ADGRV1: variants seen among roughly 807,000 people sequenced by gnomAD.
ADGRV1 encodes the protein adhesion G protein-coupled receptor V1.
In ADGRV1, 359 loss-of-function variants were observed where a neutral mutation model predicts 596.2. The ratio of observed to expected loss-of-function variants is 0.60; its 90% confidence interval spans 0.55 to 0.66. The LOEUF is 0.66. ADGRV1 is among the 30% of genes least tolerant of loss of function. The pLI, the probability that ADGRV1 is intolerant of heterozygous loss-of-function variation, is 0.00. For missense variants in ADGRV1, 7,274 were observed against 7,575.6 expected, an observed-to-expected ratio of 0.96 and a Z score of 1.48; for synonymous variants, 2,681 against 2,679.2, an observed-to-expected ratio of 1.00 and a Z score of -0.02.
intron 85 of ADGRV1, among the ~76,000 whole-genome samples, chr5:91,036,670 C>T (rs1455293958): frequency 6.6e-6 from 1 of 151,908 alleles, no homozygotes; most frequent in Non-Finnish European, 1.5e-5. Flanking sequence ...CTGAAGTGAC[C>T]TATGATTGTT....
At chr5:90,819,807 AC>A (rs1398263364) in intron 75 of ADGRV1, among the ~76,000 whole-genome samples, 1 of 152,064 alleles carries the variant, frequency 6.6e-6, no homozygotes, top group African/African-American at 2.4e-5. Flanking sequence ...CTGTTCTTTT[AC>A]ATTTGCTGAG....
chr5:90,767,564 C>A (rs537548254), intron 59 of ADGRV1, among the ~76,000 whole-genome samples: 1 of 152,130 alleles, frequency 6.6e-6, no homozygotes, highest in South Asian at 2.1e-4. Context: ...AAAGTCTAAA[C>A]CTATGCACTT....
intron 82 of ADGRV1, among the ~76,000 whole-genome samples, chr5:90,861,315 G>T (rs201967905): frequency 0.011 from 1,584 of 143,440 alleles, 31 homozygotes; most frequent in African/African-American, 0.039. Context: ...TTTTTTTTTT[G>T]TTTTTGTTTT....
intron 6 of ADGRV1, among the ~76,000 whole-genome samples, chr5:90,626,952 G>C (rs1450626520): frequency 6.6e-6 from 1 of 152,128 alleles, no homozygotes; most frequent in African/African-American, 2.4e-5. Context: ...ACCAGTTAAG[G>C]CTGAAAGACA....
chr5:90,775,168 CT>C (rs1047081799), intron 60 of ADGRV1, among the ~76,000 whole-genome samples: 1 of 152,080 alleles, frequency 6.6e-6, no homozygotes, highest in African/African-American at 2.4e-5. Flanking sequence ...TAATACATTT[CT>C]TTTTTGCCAT....
chr5:90,879,417 G>A (rs1480766571), intron 83 of ADGRV1, among the ~76,000 whole-genome samples: 2 of 152,066 alleles, frequency 1.3e-5, no homozygotes, highest in East Asian at 1.9e-4. Flanking sequence ...AAAACAGAAG[G>A]TAGGATGTTA....
chr5:90,771,245 G>A (rs116261806), intron 59 of ADGRV1, among the ~76,000 whole-genome samples: 366 of 152,036 alleles, frequency 2.4e-3, no homozygotes, highest in Non-Finnish European at 4.1e-3. Context: ...CGCAATCTTG[G>A]TTCTCTTGAG....
intron 83 of ADGRV1, among the ~76,000 whole-genome samples, chr5:90,920,705 T>C (rs1409492397): frequency 6.6e-6 from 1 of 152,216 alleles, no homozygotes; most frequent in Non-Finnish European, 1.5e-5. Flanking sequence ...CTCCTCATTA[T>C]AAGGCAATTT....
intron 45 of ADGRV1, among the ~76,000 whole-genome samples, chr5:90,723,297 C>T (rs554236788): frequency 2.0e-5 from 3 of 151,836 alleles, no homozygotes; most frequent in African/African-American, 7.3e-5. Flanking sequence ...TGGAGAGACC[C>T]AAGCATGTGT....
chr5:90,884,259 T>A (rs895791253), intron 83 of ADGRV1, among the ~76,000 whole-genome samples: 2 of 152,094 alleles, frequency 1.3e-5, no homozygotes, highest in Non-Finnish European at 2.9e-5. Context: ...TTGCAAAAAC[T>A]AAAAATGTCT....
chr5:90,855,579 C>A (rs1766946334), intron 81 of ADGRV1, among the ~76,000 whole-genome samples, 162 bp from the exon 82 acceptor site: 1 of 152,178 alleles, frequency 6.6e-6, no homozygotes, highest in Non-Finnish European at 1.5e-5. Flanking sequence ...ATGTCATGTC[C>A]TGGACAAGAT....
At chr5:90,851,134 T>TGAGAGAGAGAGAGAGA (rs141999531) in intron 79 of ADGRV1, among the ~76,000 whole-genome samples, 1 of 81,448 alleles carries the variant, frequency 1.2e-5, no homozygotes, top group African/African-American at 3.7e-5. Flanking sequence ...TGTGTGTGTG[T>TGAGAGAGAGAGAGAGA]GAGAGAGAGA....
At chr5:90,974,316 C>T (rs1779348602) in intron 84 of ADGRV1, among the ~76,000 whole-genome samples, 2 of 152,150 alleles carry the variant, frequency 1.3e-5, no homozygotes, top group Admixed American at 1.3e-4. Flanking sequence ...ATCAAGCTAC[C>T]AATGACTTTC....
In ADGRV1 at chr5:90,951,347, AAG is replaced by A. The variant is rs1281769018; in HGVS notation, c.17857-14065_17857-14064del. Among the ~76,000 whole-genome samples, 4 of 152,348 alleles carry A rather than the reference AAG, an allele frequency of 2.6e-5. No individual in the cohort carries two copies. The East Asian group carries it at 7.7e-4, about 29-fold the overall frequency. ...GTTACCTGTGGTCATTTATTGAGGAAAGAGTGAATTACATTTCTGTAATTATT... is the reference window on the plus strand; with the variant it reads ...GTTACCTGTGGTCATTTATTGAGGAAAGTGAATTACATTTCTGTAATTATT... On this transcript the variant is annotated intron_variant, in intron 83 of 89. Coordinates refer to ENST00000405460, the MANE Select transcript of ADGRV1 (RefSeq NM_032119.4).
At position 90,911,513 on chromosome 5, in the gene ADGRV1, A is replaced by G. The variant is rs958066663; in HGVS notation, c.17856+47656A>G. 3.9e-5 allele frequency among the ~76,000 whole-genome samples: 6 copies of G among 152,348 alleles called. No individual in the cohort carries two copies. In the East Asian group the frequency reaches 1.2e-3, roughly 29 times the overall value. On this transcript the variant is annotated intron_variant, in intron 83 of 89. Coordinates refer to ENST00000405460, the MANE Select transcript of ADGRV1 (RefSeq NM_032119.4). ...GTGGAAACTAAAAAGCTAATCTACAATGTTGTTTTACATACAGGTTTACCT... is the reference window on the plus strand; with the variant it reads ...GTGGAAACTAAAAAGCTAATCTACAGTGTTGTTTTACATACAGGTTTACCT...
At chr5:90,595,656 G>A (rs1267834681) in intron 1 of ADGRV1, among the ~76,000 whole-genome samples, 4 of 130,448 alleles carry the variant, frequency 3.1e-5, no homozygotes, top group South Asian at 2.5e-4. Flanking sequence ...CTGGCCGGGC[G>A]GGGAACTGAC....
At position 90,722,716 on chromosome 5, in the gene ADGRV1, CAAAAAAAAAAAAAAAAAAA is replaced by C. The variant is rs55761821; in HGVS notation, c.9748+1679_9748+1697del. Among the ~76,000 whole-genome samples the C allele has an allele frequency of 1.0e-3, 34 of 32,896 alleles. 1 individual carries two copies. In the East Asian group the frequency reaches 0.036, roughly 35 times the overall value. The allele number at this position is 32,896 out of a possible 152,430, so 21.6% of individuals were successfully genotyped here. On this transcript the variant is annotated intron_variant, in intron 45 of 89. Transcript: ENST00000405460. ...GGCAACAAGAGCAAAAACTCCGTCT[CAAAAAAAAAAAAAAAAAAA>C]AAAAAAAAAAAAAAAAAAAAAGGTC...
intron 79 of ADGRV1, among the ~76,000 whole-genome samples, chr5:90,852,308 A>G (rs978552768): frequency 2.0e-5 from 3 of 152,212 alleles, no homozygotes; most frequent in South Asian, 4.1e-4. Context: ...TCCATTTCCT[A>G]CGTCTGGGGT....
chr5:90,855,756 T>C lies in ADGRV1; in HGVS notation c.17610T>C (p.Ser5870=), dbSNP rs1168302492. 5 of 1,582,604 alleles carry C rather than the reference T, an allele frequency of 3.2e-6. No individual in the cohort carries two copies. The highest frequency in any genetic ancestry group is 4.3e-6 in the Non-Finnish European group (5 of 1,163,106). ...NQAAASWLSD[S]QFCKVVEETA... ...TTTGCCCTAGCTGGTTGTCTGACAG[T>C]CAGTTTTGCAAAGTGGTTGAGGAAA... The change falls in exon 82 of 90, where the codon AGT becomes AGC. Residue 5870 remains serine (S), a synonymous_variant. Coordinates refer to ENST00000405460, the MANE Select transcript of ADGRV1 (RefSeq NM_032119.4).
Sources: allele counts gnomAD v4.1 joint callset (sites outside exome capture counted in the v4.1 genomes callset), GRCh38; gene constraint gnomAD v4.1.1; transcripts MANE v1.5; gene names NCBI Gene and HGNC (gene_info 2026-07-23, HGNC 2026-07-21).